SPIDR: variants seen among roughly 807,000 people sequenced by gnomAD.
SPIDR encodes DNA repair-scaffolding protein.
In SPIDR, 93 loss-of-function variants were observed where a neutral mutation model predicts 104.6. The observed-to-expected ratio is 0.89, with a 90% CI of 0.75 to 1.06. The LOEUF (loss-of-function observed/expected upper bound fraction) is 1.06. SPIDR is among the 50% of genes least tolerant of loss of function. The pLI is 0.00. For synonymous variants in SPIDR, 431 were observed against 416.9 expected (o/e 1.03, Z -0.41); for missense variants, 1,154 against 1,111.2 (o/e 1.04, Z -0.55).
At chr8:47,412,192 A>G (rs2154327556) in intron 7 of SPIDR, among the ~76,000 whole-genome samples, 1 of 152,324 alleles carries the variant, frequency 6.6e-6, no homozygotes, top group South Asian at 2.1e-4. Flanking sequence ...TTCTGTGAAG[A>G]AAGTCATTGG....
intron 11 of SPIDR, among the ~76,000 whole-genome samples, chr8:47,696,030 T>C (rs1167745681): frequency 6.6e-6 from 1 of 152,198 alleles, no homozygotes; most frequent in Non-Finnish European, 1.5e-5. Flanking sequence ...TCTGAGCTCA[T>C]GAGTGATGCT....
At chr8:47,421,085 G>T (rs1166675927) in intron 7 of SPIDR, among the ~76,000 whole-genome samples, 2 of 152,128 alleles carry the variant, frequency 1.3e-5, no homozygotes, top group Admixed American at 6.5e-5. Context: ...ACAATTATGT[G>T]TCTTGGAGTT....
intron 8 of SPIDR, among the ~76,000 whole-genome samples, chr8:47,567,780 C>CTTTTTTTTTTTT (rs35199139): frequency 2.4e-4 from 17 of 71,004 alleles, no homozygotes; most frequent in East Asian, 9.4e-4. Flanking sequence ...TTTTCTTTTT[C>CTTTTTTTTTTTT]TTTTTTTTTT....
intron 5 of SPIDR, among the ~76,000 whole-genome samples, chr8:47,368,337 A>G: frequency 8.7e-6 from 1 of 114,700 alleles, no homozygotes; most frequent in Non-Finnish European, 1.7e-5. Context: ...GAAGGAGTTG[A>G]GAAGTCAAAA....
At chr8:47,678,755 A>G (rs910526483) in intron 11 of SPIDR, among the ~76,000 whole-genome samples, 2 of 152,162 alleles carry the variant, frequency 1.3e-5, no homozygotes, top group African/African-American at 2.4e-5. Flanking sequence ...TGCCCTGGTC[A>G]GTTTCCATGA....
intron 8 of SPIDR, among the ~76,000 whole-genome samples, chr8:47,465,729 C>G (rs2074656071): frequency 6.6e-6 from 1 of 151,956 alleles, no homozygotes; most frequent in Non-Finnish European, 1.5e-5. Flanking sequence ...GAGCAAGACT[C>G]CATCAAAAAA....
chr8:47,349,644 C>T (rs1486769557), intron 5 of SPIDR, among the ~76,000 whole-genome samples: 4 of 152,178 alleles, frequency 2.6e-5, no homozygotes, highest in Non-Finnish European at 5.9e-5. Flanking sequence ...GCTTCCTGGC[C>T]AGTTTGTTTA....
At chr8:47,702,253 C>A (rs1431668885) in intron 14 of SPIDR, among the ~76,000 whole-genome samples, 1 of 152,048 alleles carries the variant, frequency 6.6e-6, no homozygotes, top group African/African-American at 2.4e-5. Context: ...GCAGTAAATC[C>A]ATTCCTTTTA....
Position 47,731,510 on chromosome 8 carries a change from G to A in SPIDR, c.2604+2045G>A, listed in dbSNP as rs139600475. 1.7e-4 allele frequency among the ~76,000 whole-genome samples: 26 copies of A among 152,346 alleles called. 1 individual carries two copies. Among genetic ancestry groups the A allele is most frequent in the African/African-American group, 6.0e-4 (25 of 41,574 alleles). Reference sequence around the variant, plus strand: ...TTCAACCTCCCAATGTCCCAGCAAGGTAGAGCCCATATTTCCCTGCTAGGG... The same window carrying A: ...TTCAACCTCCCAATGTCCCAGCAAGATAGAGCCCATATTTCCCTGCTAGGG... On this transcript the variant is annotated intron_variant, in intron 19 of 19. Coordinates refer to ENST00000297423, the MANE Select transcript of SPIDR (RefSeq NM_001080394.4).
At chr8:47,713,387 C>T in intron 15 of SPIDR, 102 bp from the exon 16 acceptor site, 1 of 1,523,742 alleles carries the variant, frequency 6.6e-7, no homozygotes, top group Non-Finnish European at 9.0e-7. Flanking sequence ...ATAACTGCAC[C>T]TTCACCTGCA....
intron 2 of SPIDR, among the ~76,000 whole-genome samples, chr8:47,280,513 C>T (rs1179066993): frequency 2.0e-5 from 3 of 152,000 alleles, no homozygotes; most frequent in Non-Finnish European, 4.4e-5. Context: ...CTGCCTCAGC[C>T]TCTCGAATAG....
chr8:47,309,844 C>A (rs1012932151), intron 5 of SPIDR, among the ~76,000 whole-genome samples: 19 of 151,598 alleles, frequency 1.3e-4, no homozygotes, highest in Non-Finnish European at 2.5e-4. Flanking sequence ...CAAGACCATT[C>A]TGGCTAACAC....
chr8:47,383,057 C>T (rs374048762), intron 5 of SPIDR, among the ~76,000 whole-genome samples: 6 of 152,238 alleles, frequency 3.9e-5, no homozygotes, highest in African/African-American at 1.4e-4. Context: ...GAAATGCCCC[C>T]GAACTGTTGG....
At chr8:47,398,030 A>G (rs1490708280) in intron 6 of SPIDR, among the ~76,000 whole-genome samples, 1 of 152,214 alleles carries the variant, frequency 6.6e-6, no homozygotes, top group Non-Finnish European at 1.5e-5. Flanking sequence ...GTCAGGGCAC[A>G]GAGATCCATT....
chr8:47,464,637 A>C (rs530276744), intron 8 of SPIDR, among the ~76,000 whole-genome samples: 23 of 152,212 alleles, frequency 1.5e-4, no homozygotes, highest in African/African-American at 5.5e-4. Flanking sequence ...CAGGAGGCAA[A>C]GAACCCTTTT....
intron 16 of SPIDR, among the ~76,000 whole-genome samples, chr8:47,719,213 C>T (rs575342421): frequency 2.0e-5 from 3 of 152,152 alleles, no homozygotes; most frequent in East Asian, 1.9e-4. Context: ...TTCATAGAAA[C>T]GATGTAAGTA....
intron 5 of SPIDR, among the ~76,000 whole-genome samples, chr8:47,304,824 T>G (rs1197468642): frequency 4.6e-5 from 7 of 152,220 alleles, no homozygotes; most frequent in Admixed American, 3.9e-4. Flanking sequence ...AAAAGAACCT[T>G]TTAATGGTTC....
intron 7 of SPIDR, among the ~76,000 whole-genome samples, chr8:47,433,227 C>T (rs2067671878): frequency 6.6e-6 from 1 of 152,124 alleles, no homozygotes; most frequent in Non-Finnish European, 1.5e-5. Context: ...CCTCTCCTGT[C>T]ACTCCCTAGA....
chr8:47,288,087 C>T (rs1248197956), intron 3 of SPIDR, among the ~76,000 whole-genome samples: 5 of 152,030 alleles, frequency 3.3e-5, no homozygotes, highest in Non-Finnish European at 5.9e-5. Context: ...TCCCTCTGTT[C>T]GGGGTCCCTG....
Sources: allele counts gnomAD v4.1 joint callset (sites outside exome capture counted in the v4.1 genomes callset), GRCh38; gene constraint gnomAD v4.1.1; transcripts MANE v1.5; gene names NCBI Gene and HGNC (gene_info 2026-07-23, HGNC 2026-07-21).